Variants in SEMA6D observed in about 807,000 individuals in gnomAD.
The protein encoded by SEMA6D is semaphorin-6D.
In SEMA6D, 35 loss-of-function variants were observed where a neutral mutation model predicts 106.6. The observed-to-expected ratio is 0.33, with a 90% CI of 0.25 to 0.44. The LOEUF is 0.44. Among genes scored for constraint, SEMA6D ranks in the 20% least tolerant of loss-of-function variants. The pLI is 1.00. For missense variants in SEMA6D, 1,185 were observed against 1,345.9 expected (o/e 0.88, Z 1.87); for synonymous variants, 499 against 487.7 (o/e 1.02, Z -0.31).
intron 2 of SEMA6D, among the ~76,000 whole-genome samples, chr15:47,462,750 C>T (rs2042552332): frequency 6.6e-6 from 1 of 152,066 alleles, no homozygotes; most frequent in Non-Finnish European, 1.5e-5. Context: ...AAAAGGCCTT[C>T]TCTTTTTCAT....
intron 1 of SEMA6D, among the ~76,000 whole-genome samples, chr15:47,395,843 A>G (rs1384401506): frequency 1.3e-5 from 2 of 152,196 alleles, no homozygotes; most frequent in Non-Finnish European, 2.9e-5. Flanking sequence ...TACAATATTC[A>G]TATACAGGAT....
chr15:47,452,657 T>C (rs2140944930), intron 2 of SEMA6D, among the ~76,000 whole-genome samples: 1 of 152,078 alleles, frequency 6.6e-6, no homozygotes, highest in South Asian at 2.1e-4. Context: ...TTTCTGAAAC[T>C]TCTGGAATAT....
rs191170561 is a variant in SEMA6D, at chr15:47,307,607, C to T, written c.-238-104786C>T. Among the ~76,000 whole-genome samples the T allele has an allele frequency of 5.7e-4, 86 of 152,174 alleles. 1 individual carries two copies. Among genetic ancestry groups the T allele is most frequent in the Admixed American group, 5.2e-3 (80 of 15,282 alleles). On this transcript the variant is annotated intron_variant, in intron 1 of 19. Coordinates refer to the SEMA6D transcript ENST00000558014. ...ATTACCTTTGGTAATGGCCAGATTT[C>T]AGAACATAAAGTGGGGAATTCAGTG...
chr15:47,233,741 T>C (rs1413398574), intron 1 of SEMA6D, among the ~76,000 whole-genome samples: 1 of 152,040 alleles, frequency 6.6e-6, no homozygotes, highest in African/African-American at 2.4e-5. Context: ...TGTAGAAAAG[T>C]AGCTGATTTT....
intron 1 of SEMA6D, among the ~76,000 whole-genome samples, chr15:47,369,770 A>G (rs990388009): frequency 1.3e-5 from 2 of 152,270 alleles, no homozygotes; most frequent in Admixed American, 1.3e-4. Context: ...GTGAGATACC[A>G]TGATCCTGAC....
At chr15:47,235,102 A>T (rs1482143734) in intron 1 of SEMA6D, among the ~76,000 whole-genome samples, 1 of 151,942 alleles carries the variant, frequency 6.6e-6, no homozygotes, top group Non-Finnish European at 1.5e-5. Context: ...TAGTGATGTT[A>T]TACATTTTTC....
intron 1 of SEMA6D, among the ~76,000 whole-genome samples, chr15:47,755,613 C>A (rs2081675329): frequency 6.6e-6 from 1 of 151,878 alleles, no homozygotes; most frequent in Non-Finnish European, 1.5e-5. Flanking sequence ...TGGATTGGAA[C>A]TTTTGTAAAA....
intron 1 of SEMA6D, among the ~76,000 whole-genome samples, chr15:47,398,709 C>G (rs552842521): frequency 3.3e-5 from 5 of 152,258 alleles, no homozygotes; most frequent in African/African-American, 1.2e-4. Flanking sequence ...GAAGTGATAT[C>G]AGAAAGTGCC....
At chr15:47,439,112 A>C (rs2041810494) in intron 2 of SEMA6D, among the ~76,000 whole-genome samples, 1 of 152,126 alleles carries the variant, frequency 6.6e-6, no homozygotes, top group African/African-American at 2.4e-5. Context: ...ATTTTTGTGC[A>C]ATGAAGTAAG....
chr15:47,229,327 A>T (rs1185255984), intron 1 of SEMA6D, among the ~76,000 whole-genome samples: 43 of 151,992 alleles, frequency 2.8e-4, no homozygotes, highest in Admixed American at 2.8e-3. Flanking sequence ...TCTTTGTCTT[A>T]GTGGCTCAGA....
intron 1 of SEMA6D, among the ~76,000 whole-genome samples, chr15:47,743,469 T>C (rs984178411): frequency 3.3e-5 from 5 of 152,140 alleles, no homozygotes; most frequent in Admixed American, 6.5e-5. Context: ...ACCACTTTTT[T>C]GGGAGTTTAT....
At chr15:47,332,202 G>T (rs2037368772) in intron 1 of SEMA6D, among the ~76,000 whole-genome samples, 1 of 152,180 alleles carries the variant, frequency 6.6e-6, no homozygotes, top group Admixed American at 6.5e-5. Flanking sequence ...ATGCGGCAGT[G>T]CCAACAAACA....
chr15:47,329,548 T>A (rs1308384936), intron 1 of SEMA6D, among the ~76,000 whole-genome samples: 1 of 152,246 alleles, frequency 6.6e-6, no homozygotes, highest in Non-Finnish European at 1.5e-5. Flanking sequence ...CATTGGGATT[T>A]ACTTTAATAA....
At chr15:47,760,670 A>C (rs1360565100) in intron 3 of SEMA6D, among the ~76,000 whole-genome samples, 1 of 152,180 alleles carries the variant, frequency 6.6e-6, no homozygotes, top group African/African-American at 2.4e-5. Flanking sequence ...AGGGGAAAAA[A>C]AAAAACCTTT....
intron 4 of SEMA6D, among the ~76,000 whole-genome samples, chr15:47,609,813 T>C (rs1464523861): frequency 6.6e-6 from 1 of 152,188 alleles, no homozygotes; most frequent in Non-Finnish European, 1.5e-5. Flanking sequence ...GAAGCAATTT[T>C]CTCAGCACCT....
intron 1 of SEMA6D, among the ~76,000 whole-genome samples, chr15:47,398,793 A>G (rs1435091439): frequency 2.0e-5 from 3 of 152,158 alleles, no homozygotes; most frequent in Admixed American, 1.3e-4. Flanking sequence ...AACCAACCTG[A>G]TGCCTTTGCC....
chr15:47,391,359 A>G (rs1234381927), intron 1 of SEMA6D, among the ~76,000 whole-genome samples: 1 of 151,358 alleles, frequency 6.6e-6, no homozygotes, highest in Non-Finnish European at 1.5e-5. Context: ...CCAAGGCTTC[A>G]CTCAGCTCTA....
chr15:47,507,579 G>A (rs2044091559), intron 3 of SEMA6D, among the ~76,000 whole-genome samples: 1 of 152,204 alleles, frequency 6.6e-6, no homozygotes, highest in African/African-American at 2.4e-5. Context: ...GCCCAGAACT[G>A]TCTGTTTGTT....
chr15:47,654,410 A>G (rs1566963268), intron 4 of SEMA6D, among the ~76,000 whole-genome samples: 1 of 152,240 alleles, frequency 6.6e-6, no homozygotes, highest in Non-Finnish European at 1.5e-5. Context: ...TCTATAGTGT[A>G]TTCTTATAAT....
Sources: gnomAD v4.1 joint callset for allele counts (sites outside exome capture counted in the v4.1 genomes callset) on GRCh38, gnomAD v4.1.1 for gene constraint, MANE v1.5 for transcripts, NCBI Gene and HGNC (gene_info 2026-07-23, HGNC 2026-07-21) for gene names.